The following GNAO1 variants were observed in gnomAD, a reference collection of about 807,000 sequenced individuals.
GNAO1 encodes the protein G protein subunit alpha o1.
For synonymous variants in GNAO1, 164 were observed against 180.7 expected, an observed-to-expected ratio of 0.91 and a Z score of 0.74; for missense variants, 166 against 478.7, an observed-to-expected ratio of 0.35 and a Z score of 6.10.
At chr16:56,291,430 A>G (rs2037231409) in intron 3 of GNAO1, among the ~76,000 whole-genome samples, 1 of 152,208 alleles carries the variant, frequency 6.6e-6, no homozygotes, top group Non-Finnish European at 1.5e-5. Context: ...TCTATTCAGA[A>G]TTAGCCCATC....
At chr16:56,309,475 C>T (rs1476613911) in intron 3 of GNAO1, among the ~76,000 whole-genome samples, 1 of 152,146 alleles carries the variant, frequency 6.6e-6, no homozygotes, top group Non-Finnish European at 1.5e-5. Context: ...CCAGTGGGCT[C>T]ATTCCACCTT....
chr16:56,223,173 G>T (rs146868272), intron 2 of GNAO1, among the ~76,000 whole-genome samples: 140 of 152,310 alleles, frequency 9.2e-4, no homozygotes, highest in East Asian at 3.7e-3. Flanking sequence ...GGGCTTCTAG[G>T]GGGGAGAATC....
At chr16:56,212,838 C>T (rs931661703) in intron 2 of GNAO1, among the ~76,000 whole-genome samples, 2 of 152,214 alleles carry the variant, frequency 1.3e-5, no homozygotes, top group African/African-American at 4.8e-5. Context: ...GGACAGGTAG[C>T]TTCCAGATAA....
At chr16:56,192,751 C>CACA in intron 2 of GNAO1, 135 bp downstream of exon 2, 7 of 647,798 alleles carry the variant, frequency 1.1e-5, no homozygotes, top group South Asian at 1.8e-5. Context: ...CACACACACA[C>CACA]CCCTATATTT....
In GNAO1 at chr16:56,192,629, G is replaced by T. The variant is rs767965127; in HGVS notation, c.161+13G>T. On this transcript the variant is annotated intron_variant, in intron 2 of 8. Transcript: ENST00000262493. ...TGAAGCAGATGAAGTAAGTCCCTGT[G>T]GCATTGGGATTCGTACTTTTATTAA... 6 of 1,527,926 alleles carry T rather than the reference G, an allele frequency of 3.9e-6. No individual in the cohort carries two copies. Among genetic ancestry groups the T allele is most frequent in the Admixed American group, 3.3e-5 (2 of 59,830 alleles). 94.6% of individuals were successfully genotyped at this position (1,527,926 alleles called of 1,614,324 possible).
chr16:56,303,665 G>A (rs866488214), intron 3 of GNAO1, among the ~76,000 whole-genome samples: 69 of 152,272 alleles, frequency 4.5e-4, no homozygotes, highest in African/African-American at 1.6e-3. Context: ...GGCTGACAGC[G>A]ACCTCAGAGA....
chr16:56,213,036 C>A (rs528464969), intron 2 of GNAO1, among the ~76,000 whole-genome samples: 1 of 152,224 alleles, frequency 6.6e-6, no homozygotes, highest in African/African-American at 2.4e-5. Flanking sequence ...GCCAGCACCA[C>A]GGACATCTGC....
At chr16:56,254,150 G>T (rs1054503912) in intron 2 of GNAO1, among the ~76,000 whole-genome samples, 42 of 151,992 alleles carry the variant, frequency 2.8e-4, no homozygotes, top group Admixed American at 2.6e-3. Flanking sequence ...AGTGATTCAG[G>T]TCCCAACAAA....
chr16:56,237,843 A>G (rs2036653650), intron 2 of GNAO1, among the ~76,000 whole-genome samples: 1 of 152,172 alleles, frequency 6.6e-6, no homozygotes, highest in South Asian at 2.1e-4. Flanking sequence ...TTTGTTTAGC[A>G]GCTGCACGTT....
At chr16:56,203,191 C>G (rs1405238188) in intron 2 of GNAO1, among the ~76,000 whole-genome samples, 1 of 152,036 alleles carries the variant, frequency 6.6e-6, no homozygotes, top group South Asian at 2.1e-4. Context: ...TTTACTCCAC[C>G]GAGCTTTACT....
chr16:56,347,954 A>AC (rs1293518975), intron 6 of GNAO1: 2 of 903,812 alleles, frequency 2.2e-6, no homozygotes, highest in East Asian at 1.3e-4. Context: ...CTCCCCACGC[A>AC]CCCCCCTCCC....
At chr16:56,239,666 T>C (rs1482646838) in intron 2 of GNAO1, among the ~76,000 whole-genome samples, 4 of 152,242 alleles carry the variant, frequency 2.6e-5, no homozygotes, top group Non-Finnish European at 5.9e-5. Context: ...TAATGTTTAT[T>C]ATTCTGAGGA....
At chr16:56,232,691 T>C (rs552194219) in intron 2 of GNAO1, among the ~76,000 whole-genome samples, 1 of 152,338 alleles carries the variant, frequency 6.6e-6, no homozygotes, top group South Asian at 2.1e-4. Context: ...ACTCAGCACT[T>C]ACTTTTCATT....
At chr16:56,268,807 A>G (rs2036984062) in intron 2 of GNAO1, among the ~76,000 whole-genome samples, 1 of 152,152 alleles carries the variant, frequency 6.6e-6, no homozygotes, top group Non-Finnish European at 1.5e-5. Context: ...TGTAACCAGC[A>G]TTTTCACTTT....
At chr16:56,235,964 G>A (rs1222491182) in intron 2 of GNAO1, among the ~76,000 whole-genome samples, 2 of 152,126 alleles carry the variant, frequency 1.3e-5, no homozygotes, top group Non-Finnish European at 2.9e-5. Flanking sequence ...TCACAAAGGG[G>A]GATCAAGGCT....
chr16:56,234,138 A>G (rs535230476), intron 2 of GNAO1, among the ~76,000 whole-genome samples: 21 of 152,344 alleles, frequency 1.4e-4, no homozygotes, highest in Admixed American at 3.3e-4. Flanking sequence ...AGCATTAGCT[A>G]TTTTTAAGGA....
chr16:56,333,544 T>C (rs769878967), intron 4 of GNAO1, among the ~76,000 whole-genome samples: 8 of 152,222 alleles, frequency 5.3e-5, no homozygotes, highest in Non-Finnish European at 1.0e-4. Context: ...GACTTCAAGC[T>C]TACCTCCCTG....
At chr16:56,192,754 CT>C in intron 2 of GNAO1, 138 bp downstream of exon 2, 1 of 615,728 alleles carries the variant, frequency 1.6e-6, no homozygotes, top group Non-Finnish European at 3.0e-6. Context: ...ACACACACCC[CT>C]ATATTTGACT....
intron 2 of GNAO1, among the ~76,000 whole-genome samples, chr16:56,247,482 G>GTTTTTTTTT (rs61650674): frequency 3.3e-5 from 4 of 119,670 alleles, no homozygotes; most frequent in Non-Finnish European, 3.5e-5. Context: ...TTAGGGTGAG[G>GTTTTTTTTT]TTTTTTTTTT....
Sources: gnomAD v4.1 joint callset for allele counts (sites outside exome capture counted in the v4.1 genomes callset) on GRCh38, gnomAD v4.1.1 for gene constraint, MANE v1.5 for transcripts, NCBI Gene and HGNC (gene_info 2026-07-23, HGNC 2026-07-21) for gene names.